Variants in ZNF394 observed in about 807,000 individuals in gnomAD.
ZNF394 encodes the protein zinc finger protein 99.
A neutral mutation model predicts 21.8 loss-of-function variants in ZNF394; 19 were observed. The observed-to-expected ratio is 0.87, with a 90% CI of 0.61 to 1.28. ZNF394 has a LOEUF of 1.28. Ranked by LOEUF, ZNF394 falls within the 50% of genes most tolerant of loss-of-function variation. The pLI, the probability that ZNF394 is intolerant of heterozygous loss-of-function variation, is 0.00. For synonymous variants in ZNF394, 294 were observed against 273.3 expected, an observed-to-expected ratio of 1.08 and a Z score of -0.75; for missense variants, 683 against 708.6, an observed-to-expected ratio of 0.96 and a Z score of 0.41.
At chr7:99,491,548 C>T (rs936704312), downstream of ZNF394, among the ~76,000 whole-genome samples, 8 of 151,904 alleles carry the variant, frequency 5.3e-5, no homozygotes, top group Admixed American at 2.6e-4. Context: ...GAAGCTGAGG[C>T]GGGCGGACCA....
chr7:99,497,616 C>T (rs1462388083), intron 2 of ZNF394, among the ~76,000 whole-genome samples: 1 of 152,004 alleles, frequency 6.6e-6, no homozygotes, highest in Non-Finnish European at 1.5e-5. Flanking sequence ...GTAATCCCAG[C>T]ACTTTGGGAG....
downstream of ZNF394, among the ~76,000 whole-genome samples, chr7:99,489,438 A>G (rs1800113927): frequency 6.6e-6 from 1 of 152,132 alleles, no homozygotes; most frequent in African/African-American, 2.4e-5. Context: ...TTCTGGGAGC[A>G]GCTGTCAACC....
rs1341323262 is a variant in ZNF394 at position 99,500,094 on chromosome 7, C to G, written c.-1G>C. On this transcript the variant is annotated 5_prime_UTR_variant, in exon 1 of 3. Coordinates refer to ENST00000337673, the MANE Select transcript of ZNF394 (RefSeq NM_032164.4). ...TCTGGGCGGTCAAGCTGGAATTCATCTTTCTCCGGCATGTGCTGCCCTTCC... is the reference window on the plus strand; with the variant it reads ...TCTGGGCGGTCAAGCTGGAATTCATGTTTCTCCGGCATGTGCTGCCCTTCC... 6.5e-7 allele frequency: 1 copy of G among 1,540,414 alleles called. No individual in the cohort carries two copies.
In ZNF394 at chr7:99,493,688, A is replaced by C. The variant is rs746649373; in HGVS notation, c.1527T>G (p.Ser509Arg). 6.2e-7 allele frequency: 1 copy of C among 1,614,148 alleles called. No individual in the cohort carries two copies. The highest frequency in any genetic ancestry group is 8.5e-7 in the Non-Finnish European group (1 of 1,180,022). ...CSVCGKRFNQ[S>R]ATLIKHQRIH... The stretch of plus-strand genomic sequence containing the variant: ...TTCTCTGGTGTTTAATGAGGGTTGC[A>C]CTCTGATTGAAGCGTTTCCCACAGA... Residue 509 changes from serine (S) to arginine (R), a missense_variant, in exon 3 of 3, where the codon AGT (serine) becomes AGG (arginine). Ser to Arg is a moderately radical substitution (Grantham distance 110). Transcript: ENST00000337673.
chr7:99,497,134 A>ATG (rs1800353446), intron 2 of ZNF394, among the ~76,000 whole-genome samples: 1 of 128,830 alleles, frequency 7.8e-6, no homozygotes, highest in African/African-American at 3.7e-5. Context: ...ATATATATAT[A>ATG]TATATATGTA....
In ZNF394 at chr7:99,500,097, T is replaced by C. The variant is rs1286545565; in HGVS notation, c.-4A>G. ...GGGCGGTCAAGCTGGAATTCATCTT[T>C]CTCCGGCATGTGCTGCCCTTCCTGG... On this transcript the variant is annotated 5_prime_UTR_variant, in exon 1 of 3. Coordinates refer to ENST00000337673, the MANE Select transcript of ZNF394 (RefSeq NM_032164.4). 9.7e-6 allele frequency: 15 copies of C among 1,538,674 alleles called. No homozygotes were observed. The highest frequency in any genetic ancestry group is 1.2e-5 in the Non-Finnish European group (14 of 1,149,512).
chr7:99,499,424 G>GAAAGAAAA (rs1381844900), intron 1 of ZNF394, among the ~76,000 whole-genome samples: 1 of 150,690 alleles, frequency 6.6e-6, no homozygotes, highest in Non-Finnish European at 1.5e-5. Context: ...AAAAGAAAAA[G>GAAAGAAAA]AAAGAAAACC....
chr7:99,491,483 C>T (rs1309279590), downstream of ZNF394, among the ~76,000 whole-genome samples: 2 of 152,150 alleles, frequency 1.3e-5, no homozygotes, highest in African/African-American at 2.4e-5. Flanking sequence ...CTTGGATTTC[C>T]GATGGGTTCA....
chr7:99,499,939 T>G lies in ZNF394; in HGVS notation c.155A>C (p.Asn52Thr), dbSNP rs747798897. The G allele has an allele frequency of 1.2e-5, 20 of 1,613,912 alleles. No homozygotes were observed. Among genetic ancestry groups the G allele is most frequent in the African/African-American group, 1.3e-5 (1 of 74,936 alleles). ...EEDSPGSWEPNYPAASPDPET... is the reference protein window; with the variant it reads ...EEDSPGSWEPTYPAASPDPET... ...GGGGTCCGGCGAAGCCGCGGGATAG[T>G]TGGGCTCCCAACTTCCGGGTGAGTC... The change falls in exon 1 of 3, where the codon AAC becomes ACC. Residue 52 changes from asparagine to threonine, a missense_variant. Asn to Thr is a moderately conservative substitution (Grantham distance 65). Transcript: ENST00000337673.
Position 99,500,268 on chromosome 7 carries a change from AAAC to A in ZNF394, c.-178_-176del. 1 of 559,480 alleles carries A rather than the reference AAAC, an allele frequency of 1.8e-6. No homozygotes were observed. The highest frequency in any genetic ancestry group is 3.0e-6 in the Non-Finnish European group (1 of 337,764). The allele number at this position is 559,480 out of a possible 1,614,324, so 34.7% of individuals were successfully genotyped here. A position where few individuals can be genotyped will look rare whatever the true frequency, so the allele number is the denominator to read the frequency against. On this transcript the variant is annotated 5_prime_UTR_variant, in exon 1 of 3. Coordinates refer to ENST00000337673, the MANE Select transcript of ZNF394 (RefSeq NM_032164.4). ...CTTTGCGCCTACAACTCTCTCGGTC[AAAC>A]AACCGAAAACATCCCGTGCCGGAAG...
chr7:99,489,185 G>A (rs1170270613), downstream of ZNF394, among the ~76,000 whole-genome samples: 1 of 151,270 alleles, frequency 6.6e-6, no homozygotes, highest in African/African-American at 2.4e-5. Flanking sequence ...CCAGGAGGCT[G>A]AGGCAGGAGA....
chr7:99,487,426 T>C, intron 1 of ZNF394: 1 of 1,614,210 alleles, frequency 6.2e-7, no homozygotes, highest in Non-Finnish European at 8.5e-7. Context: ...TGGAAAATCT[T>C]TCAAGTGGCA....
At chr7:99,498,440 C>G (rs1360500092) in intron 2 of ZNF394, 3 of 308,218 alleles carry the variant, frequency 9.7e-6, no homozygotes, top group African/African-American at 6.6e-5. Context: ...GCAATATGGC[C>G]AAGTATTAAG....
At position 99,494,297 on chromosome 7, in the gene ZNF394, C is replaced by G; in HGVS notation, c.918G>C (p.Arg306Ser). The G allele has an allele frequency of 6.2e-7, 1 of 1,614,206 alleles. No homozygotes were observed. The highest frequency in any genetic ancestry group is 8.5e-7 in the Non-Finnish European group (1 of 1,180,044). The change falls in exon 3 of 3, where the codon AGG (arginine) becomes AGC (serine). Residue 306 changes from arginine to serine, a missense_variant. Arg to Ser is a moderately radical substitution (Grantham distance 110). This residue lies in a region of ZNF394 where 7 missense variants were observed against 20.6 expected (regional missense o/e 0.34). Transcript: ENST00000337673. ...VLCQHIPKAE[R>S]PTDSEEHGNK... is the part of the protein sequence containing the mutation. The stretch of plus-strand genomic sequence containing the variant: ...TCCCGTGTTCCTCACTGTCAGTGGG[C>G]CTCTCTGCTTTCGGGATGTGCTGAC...
rs568803976 is a variant in ZNF394 at position 99,497,232 on chromosome 7, G to A, written c.583+1484C>T. Among the ~76,000 whole-genome samples the A allele has an allele frequency of 4.3e-3, 647 of 149,236 alleles. 6 individuals are homozygous for A. Among genetic ancestry groups the A allele is most frequent in the African/African-American group, 0.015 (592 of 40,300 alleles). ...CTGGAGTGCTGGAGTGCAGTGGCAC[G>A]ATCTCGGCTCACTGCAACCTCCGCC... On this transcript the variant is annotated intron_variant, in intron 2 of 2. Transcript: ENST00000337673.
Position 99,493,908 on chromosome 7 carries a change from T to C in ZNF394, c.1307A>G (p.His436Arg), listed in dbSNP as rs1226260657. 6.2e-7 allele frequency: 1 copy of C among 1,614,094 alleles called. No homozygotes were observed. The highest frequency in any genetic ancestry group is 1.3e-5 in the African/African-American group (1 of 74,948). Residue 436 changes from histidine (H) to arginine (R), a missense_variant, in exon 3 of 3, where the codon CAC (histidine) becomes CGC (arginine). Physicochemically the swap from His to Arg is conservative, Grantham distance 29 (BLOSUM62 0). This residue lies in a region of ZNF394 where 274 missense variants were observed against 314.1 expected (regional missense o/e 0.87). Coordinates refer to ENST00000337673, the MANE Select transcript of ZNF394 (RefSeq NM_032164.4). ...ACATTTAAAATGTTTGTCTCTACTG[T>C]GGGTACTTTGATGACGATTTAGGTG... Reference protein sequence around the residue: ...NSHLNRHQSTHSRDKHFKCEE... With the variant: ...NSHLNRHQSTRSRDKHFKCEE...
chr7:99,500,142 G>T lies in ZNF394; in HGVS notation c.-49C>A. On this transcript the variant is annotated 5_prime_UTR_variant, in exon 1 of 3. Transcript: ENST00000337673. ...TCCTGGAGTCTTCTTTTCAGGTGAA[G>T]AAAGAGCAAACCCAAGGAACTCATC... 1 of 1,503,148 alleles carries T rather than the reference G, an allele frequency of 6.7e-7. No individual in the cohort carries two copies. Among genetic ancestry groups the T allele is most frequent in the Non-Finnish European group, 8.8e-7 (1 of 1,133,934 alleles). 93.1% of individuals were successfully genotyped at this position (1,503,148 alleles called of 1,614,324 possible). A position where few individuals can be genotyped will look rare whatever the true frequency, so the allele number is the denominator to read the frequency against.
chr7:99,487,010 G>A (rs780092973), intron 1 of ZNF394: 7 of 1,613,984 alleles, frequency 4.3e-6, no homozygotes, highest in Admixed American at 1.7e-5. Context: ...AAGTGTTTTC[G>A]GCAGCTCGCG....
intron 2 of ZNF394, chr7:99,498,419 C>T (rs1275815006): frequency 1.4e-5 from 4 of 283,100 alleles, no homozygotes; most frequent in Non-Finnish European, 2.1e-5. Context: ...CTGTAACATA[C>T]TATTTCCTTG....
Sources: gnomAD v4.1 joint callset for allele counts (sites outside exome capture counted in the v4.1 genomes callset) on GRCh38, gnomAD v4.1.1 for gene constraint, gnomAD v4.1.1 regional missense constraint, MANE v1.5 for transcripts, NCBI Gene and HGNC (gene_info 2026-07-23, HGNC 2026-07-21) for gene names.